TAS2R1: variants seen among roughly 807,000 people sequenced by gnomAD.
TAS2R1 encodes taste receptor type 2 member 1.
For missense variants in TAS2R1, 370 were observed against 353.4 expected (o/e 1.05, Z -0.38); for synonymous variants, 141 against 134.2 (o/e 1.05, Z -0.35).
At chr5:9,697,022 TAAAA>T (rs888510055) in intron 1 of TAS2R1, among the ~76,000 whole-genome samples, 2 of 146,298 alleles carry the variant, frequency 1.4e-5, no homozygotes, top group African/African-American at 5.1e-5. Flanking sequence ...TCAAAAAAAA[TAAAA>T]AAAGAAGGAA....
At chr5:9,709,947 C>A (rs1387471399) in intron 1 of TAS2R1, among the ~76,000 whole-genome samples, 1 of 152,256 alleles carries the variant, frequency 6.6e-6, no homozygotes, top group African/African-American at 2.4e-5. Flanking sequence ...TTGGTTAAAA[C>A]CCATAAATGG....
At chr5:9,842,007 A>G in the TAS2R1 span, among the ~76,000 whole-genome samples, 16 of 152,302 alleles carry the variant, frequency 1.1e-4, no homozygotes, top group Middle Eastern at 3.4e-3. Context: ...TAGAAGTCTC[A>G]TGTTCTCTTC....
intron 1 of TAS2R1, among the ~76,000 whole-genome samples, chr5:9,665,449 T>C (rs1740613106): frequency 6.6e-6 from 1 of 152,250 alleles, no homozygotes; most frequent in South Asian, 2.1e-4. Context: ...GTGTGGAATG[T>C]TCTTGGGCCA....
chr5:9,716,279 C>G (rs547552035), upstream of TAS2R1, among the ~76,000 whole-genome samples: 12 of 152,222 alleles, frequency 7.9e-5, no homozygotes, highest in Non-Finnish European at 1.5e-4. Flanking sequence ...AACTGGGATT[C>G]AATCTGTGAG....
At chr5:9,640,515 A>AAAC (rs1382361008) in intron 2 of TAS2R1, among the ~76,000 whole-genome samples, 7 of 150,558 alleles carry the variant, frequency 4.6e-5, no homozygotes, top group Non-Finnish European at 1.0e-4. Context: ...AAAAAAAAAA[A>AAAC]AAAAAAACAG....
At chr5:9,638,065 G>A (rs1328300434) in intron 2 of TAS2R1, among the ~76,000 whole-genome samples, 2 of 152,178 alleles carry the variant, frequency 1.3e-5, no homozygotes, top group African/African-American at 4.8e-5. Context: ...TCAGTGGAGA[G>A]GTCTAAAACT....
the TAS2R1 span, among the ~76,000 whole-genome samples, chr5:9,894,210 C>A: frequency 6.6e-6 from 1 of 152,044 alleles, no homozygotes; most frequent in African/African-American, 2.4e-5. Flanking sequence ...TGAGACCAGC[C>A]TGGCCAACAT....
chr5:9,742,847 G>T, the TAS2R1 span, among the ~76,000 whole-genome samples: 1 of 152,048 alleles, frequency 6.6e-6, no homozygotes, highest in East Asian at 1.9e-4. Flanking sequence ...TGGAAGGGGA[G>T]GAAGAAACCC....
At chr5:9,630,383 T>G (rs1739851694), upstream of TAS2R1, 1 of 182,598 alleles carries the variant, frequency 5.5e-6, no homozygotes, top group Non-Finnish European at 1.3e-5. Context: ...CCAAAGATAC[T>G]CAATTCTTCA....
chr5:9,888,062 G>A, the TAS2R1 span, among the ~76,000 whole-genome samples: 1 of 152,106 alleles, frequency 6.6e-6, no homozygotes, highest in Non-Finnish European at 1.5e-5. Flanking sequence ...CTACCGAAAG[G>A]GGGTTGGGGC....
At chr5:9,867,519 G>A in the TAS2R1 span, among the ~76,000 whole-genome samples, 1 of 152,112 alleles carries the variant, frequency 6.6e-6, no homozygotes. Context: ...AACAGCATGG[G>A]AGAACCTGCC....
chr5:9,657,046 T>C (rs2126492577), intron 2 of TAS2R1, among the ~76,000 whole-genome samples: 1 of 152,262 alleles, frequency 6.6e-6, no homozygotes, highest in Non-Finnish European at 1.5e-5. Flanking sequence ...TTTAAAAGTC[T>C]ATCAATAAAG....
chr5:9,698,668 C>G (rs1741413258), intron 1 of TAS2R1, among the ~76,000 whole-genome samples: 1 of 152,050 alleles, frequency 6.6e-6, no homozygotes, highest in African/African-American at 2.4e-5. Context: ...TTCTATTTAA[C>G]AACAACAAAC....
the TAS2R1 span, among the ~76,000 whole-genome samples, chr5:9,862,603 G>A: frequency 7.5e-5 from 1 of 13,272 alleles, no homozygotes; most frequent in African/African-American, 5.6e-4. Context: ...TTCGTTTTAT[G>A]ATTATTATTA....
chr5:9,788,443 G>C, the TAS2R1 span, among the ~76,000 whole-genome samples: 4 of 152,076 alleles, frequency 2.6e-5, no homozygotes, highest in African/African-American at 9.7e-5. Flanking sequence ...GGTAATCCTT[G>C]CTAGCATCCA....
At chr5:9,842,183 T>G in the TAS2R1 span, among the ~76,000 whole-genome samples, 9,065 of 152,172 alleles carry the variant, frequency 0.06, 639 homozygotes, top group East Asian at 0.23. Flanking sequence ...TTAGTCCTGT[T>G]TTTTGGTGTG....
chr5:9,685,915 A>T (rs1741114795), intron 1 of TAS2R1, among the ~76,000 whole-genome samples: 1 of 152,220 alleles, frequency 6.6e-6, no homozygotes, highest in Admixed American at 6.5e-5. Flanking sequence ...ACCCAAGCTG[A>T]AGTGCAATGG....
chr5:9,838,987 C>T, the TAS2R1 span, among the ~76,000 whole-genome samples: 7,834 of 152,268 alleles, frequency 0.051, 292 homozygotes, highest in East Asian at 0.19. Flanking sequence ...GGCTGGAGTA[C>T]TTATTCCAGA....
intron 1 of TAS2R1, among the ~76,000 whole-genome samples, chr5:9,679,316 T>C (rs952553906): frequency 6.6e-6 from 1 of 152,218 alleles, no homozygotes; most frequent in African/African-American, 2.4e-5. Flanking sequence ...GCCCGTAGAA[T>C]TTTATAGCGC....
Sources: allele counts gnomAD v4.1 joint callset (sites outside exome capture counted in the v4.1 genomes callset), GRCh38; gene constraint gnomAD v4.1.1; transcripts MANE v1.5; gene names NCBI Gene and HGNC (gene_info 2026-07-23, HGNC 2026-07-21).